The following CHCHD3 variants were observed in gnomAD, a reference collection of about 807,000 sequenced individuals.
The protein encoded by CHCHD3 is coiled-coil-helix-coiled-coil-helix domain containing 3, also known as MICOS complex subunit MIC19.
Under a neutral mutation model 38.2 loss-of-function variants are expected in CHCHD3, and 20 were observed. That is an observed-to-expected ratio of 0.52 (90% confidence interval 0.37 to 0.76). The LOEUF (loss-of-function observed/expected upper bound fraction) is 0.76, where lower values mean the gene tolerates loss of function less well. Ranked by LOEUF, CHCHD3 falls within the 30% of genes least tolerant of loss-of-function variation. The pLI is 0.00. For missense variants in CHCHD3, 245 were observed against 279.2 expected, an observed-to-expected ratio of 0.88 and a Z score of 0.87; for synonymous variants, 82 against 100.0, an observed-to-expected ratio of 0.82 and a Z score of 1.07.
chr7:133,079,003 C>CT (rs754557700), intron 1 of CHCHD3, among the ~76,000 whole-genome samples: 1 of 152,106 alleles, frequency 6.6e-6, no homozygotes, highest in African/African-American at 2.4e-5. Context: ...CCCCATGTCT[C>CT]AGAAGGGAAC....
At chr7:132,989,373 C>T (rs1252082440) in intron 3 of CHCHD3, among the ~76,000 whole-genome samples, 3 of 151,446 alleles carry the variant, frequency 2.0e-5, no homozygotes, top group Non-Finnish European at 4.4e-5. Context: ...TGGAAATATG[C>T]CTGCATAGCT....
chr7:132,954,473 G>T (rs1265329212), intron 4 of CHCHD3, among the ~76,000 whole-genome samples: 1 of 152,168 alleles, frequency 6.6e-6, no homozygotes, highest in African/African-American at 2.4e-5. Flanking sequence ...GTCCTTTGTG[G>T]ACACAGGGTC....
intron 4 of CHCHD3, among the ~76,000 whole-genome samples, chr7:132,917,746 T>C (rs1273414433): frequency 6.6e-6 from 1 of 150,990 alleles, no homozygotes; most frequent in Non-Finnish European, 1.5e-5. Flanking sequence ...GTAGTCCCAG[T>C]TACTCGGGAG....
At chr7:132,999,895 T>A (rs1381472783) in intron 3 of CHCHD3, among the ~76,000 whole-genome samples, 1 of 152,172 alleles carries the variant, frequency 6.6e-6, no homozygotes, top group Non-Finnish European at 1.5e-5. Context: ...AAGTATTTAT[T>A]GAGCATTTAT....
chr7:132,808,759 AG>A (rs1463408722), intron 6 of CHCHD3, among the ~76,000 whole-genome samples: 1 of 149,652 alleles, frequency 6.7e-6, no homozygotes, highest in Non-Finnish European at 1.5e-5. Flanking sequence ...TTATACTTTA[AG>A]TTTTAGGGTA....
At chr7:133,032,582 T>C (rs901513266) in intron 2 of CHCHD3, among the ~76,000 whole-genome samples, 3 of 152,182 alleles carry the variant, frequency 2.0e-5, no homozygotes, top group African/African-American at 7.2e-5. Context: ...TAAGCACCCA[T>C]AGAAACTAGC....
At chr7:133,045,086 TCAGA>T (rs766795375) in intron 2 of CHCHD3, among the ~76,000 whole-genome samples, 1 of 152,142 alleles carries the variant, frequency 6.6e-6, no homozygotes, top group East Asian at 1.9e-4. Flanking sequence ...CTGGAGCAAC[TCAGA>T]CAGAGGGGCT....
rs138651094 is a variant in CHCHD3, at chr7:133,047,665, C to T, written c.169+22477G>A. The stretch of plus-strand genomic sequence containing the variant: ...TAAATGAATTGGCTACATTATGAAA[C>T]TAATATCTCAGCTAATGCAGACAAA... On this transcript the variant is annotated intron_variant, in intron 2 of 7. Transcript: ENST00000262570. Among the ~76,000 whole-genome samples, 115 of 152,272 alleles carry T rather than the reference C, an allele frequency of 7.6e-4. 1 individual carries two copies. Among genetic ancestry groups the T allele is most frequent in the African/African-American group, 2.7e-3 (112 of 41,552 alleles).
chr7:132,865,880 G>C (rs1342969525), intron 5 of CHCHD3, among the ~76,000 whole-genome samples: 1 of 151,994 alleles, frequency 6.6e-6, no homozygotes. Context: ...AAACACTTGT[G>C]CCTGGGTCGT....
At chr7:132,914,383 C>T (rs968608439) in intron 4 of CHCHD3, among the ~76,000 whole-genome samples, 2 of 152,198 alleles carry the variant, frequency 1.3e-5, no homozygotes, top group Non-Finnish European at 2.9e-5. Flanking sequence ...GTGATCTCTA[C>T]TAATGCCTCA....
At chr7:132,889,101 G>A (rs1189457427) in intron 4 of CHCHD3, among the ~76,000 whole-genome samples, 2 of 151,996 alleles carry the variant, frequency 1.3e-5, no homozygotes, top group East Asian at 3.8e-4. Flanking sequence ...TGGAAATGTA[G>A]CACTGAGGGC....
intron 6 of CHCHD3, chr7:132,830,674 C>T (rs952092453): frequency 1.3e-5 from 2 of 152,182 alleles, no homozygotes; most frequent in African/African-American, 2.4e-5. Flanking sequence ...AGTACATTAA[C>T]ATCTTTCTTC....
At chr7:132,891,496 TG>T (rs1330736293) in intron 4 of CHCHD3, among the ~76,000 whole-genome samples, 1 of 152,222 alleles carries the variant, frequency 6.6e-6, no homozygotes, top group Admixed American at 6.5e-5. Context: ...CTTCCTAATC[TG>T]AAGTCTGGAA....
chr7:132,806,852 GAA>G (rs960686073), intron 6 of CHCHD3, among the ~76,000 whole-genome samples: 1 of 152,194 alleles, frequency 6.6e-6, no homozygotes, highest in African/African-American at 2.4e-5. Flanking sequence ...AAGGTAGTGT[GAA>G]AAGAGTGAGT....
chr7:132,891,057 G>T (rs1809348293), intron 4 of CHCHD3, among the ~76,000 whole-genome samples: 1 of 152,206 alleles, frequency 6.6e-6, no homozygotes, highest in Non-Finnish European at 1.5e-5. Flanking sequence ...CCATAAACTT[G>T]TAAGGTAATA....
At chr7:132,914,972 G>T (rs1043834781) in intron 4 of CHCHD3, among the ~76,000 whole-genome samples, 2 of 152,092 alleles carry the variant, frequency 1.3e-5, no homozygotes, top group African/African-American at 2.4e-5. Flanking sequence ...GACGAGCCTG[G>T]CCAGCATGGT....
chr7:133,019,855 C>T (rs1813132189), intron 3 of CHCHD3, among the ~76,000 whole-genome samples: 1 of 152,122 alleles, frequency 6.6e-6, no homozygotes, highest in Non-Finnish European at 1.5e-5. Context: ...AGGTAGGGCA[C>T]AGAGGAGAAG....
At chr7:132,839,636 C>A (rs1807888138) in intron 5 of CHCHD3, among the ~76,000 whole-genome samples, 1 of 152,262 alleles carries the variant, frequency 6.6e-6, no homozygotes, top group African/African-American at 2.4e-5. Context: ...TTTAATAAAT[C>A]ATTGTTGGTT....
At chr7:132,920,339 T>C (rs1385039781) in intron 4 of CHCHD3, among the ~76,000 whole-genome samples, 1 of 152,064 alleles carries the variant, frequency 6.6e-6, no homozygotes, top group Non-Finnish European at 1.5e-5. Context: ...ACAGAAAAAG[T>C]TTGCTGGCCC....
Sources: gnomAD v4.1 joint callset for allele counts (sites outside exome capture counted in the v4.1 genomes callset) on GRCh38, gnomAD v4.1.1 for gene constraint, MANE v1.5 for transcripts, NCBI Gene and HGNC (gene_info 2026-07-23, HGNC 2026-07-21) for gene names.